The following ARHGEF17 variants were observed in gnomAD, a reference collection of about 807,000 sequenced individuals.
ARHGEF17 encodes Rho guanine nucleotide exchange factor 17.
Under a neutral mutation model 174.0 loss-of-function variants are expected in ARHGEF17, and 80 were observed. The observed-to-expected ratio is 0.46, with a 90% CI of 0.38 to 0.55. The LOEUF (loss-of-function observed/expected upper bound fraction) is 0.55, where lower values mean the gene tolerates loss of function less well. Among genes scored for constraint, ARHGEF17 ranks in the 20% least tolerant of loss-of-function variants. The probability of loss-of-function intolerance (pLI) is 0.00; values close to 1 mark genes in which losing one functional copy is unlikely to be tolerated. For missense variants in ARHGEF17, 2,886 were observed against 2,839.7 expected, an observed-to-expected ratio of 1.02 and a Z score of -0.37; for synonymous variants, 1,311 against 1,189.1, an observed-to-expected ratio of 1.10 and a Z score of -2.11.
At chr11:73,364,068 G>A in intron 16 of ARHGEF17, 104 bp from the exon 17 acceptor site, 1 of 1,238,428 alleles carries the variant, frequency 8.1e-7, no homozygotes, top group Non-Finnish European at 1.2e-6. Context: ...GGGAAGAGGT[G>A]GCCTCTCGGG....
intron 1 of ARHGEF17, among the ~76,000 whole-genome samples, chr11:73,341,944 T>C (rs1317662804): frequency 6.6e-6 from 1 of 152,152 alleles, no homozygotes; most frequent in African/African-American, 2.4e-5. Context: ...AGCCCCCCCA[T>C]CTTGCTGGGT....
chr11:73,362,399 T>C (rs1865758010), intron 13 of ARHGEF17, 34 bp from the exon 14 acceptor site: 1 of 1,505,330 alleles, frequency 6.6e-7, no homozygotes, highest in Non-Finnish European at 8.8e-7. Context: ...GTCTGGCTCG[T>C]AGCTGCTGTC....
Position 73,310,320 on chromosome 11 carries a change from C to A in ARHGEF17, c.1682C>A (p.Thr561Asn). The change falls in exon 1 of 21, where the codon ACC becomes AAC. Residue 561 changes from threonine (T) to asparagine (N), a missense_variant. Coordinates refer to ENST00000263674, the MANE Select transcript of ARHGEF17 (RefSeq NM_014786.4). Reference protein sequence around the residue: ...EKPMARRLPRTSALKSSSSEL... With the variant: ...EKPMARRLPRNSALKSSSSEL... ...CCCATGGCCCGCCGCCTGCCCCGCA[C>A]CAGTGCTCTGAAGTCCAGCTCCTCC... The A allele has an allele frequency of 1.2e-6, 2 of 1,613,834 alleles. No homozygotes were observed. Among genetic ancestry groups the A allele is most frequent in the Non-Finnish European group, 1.7e-6 (2 of 1,179,998 alleles).
intron 3 of ARHGEF17, among the ~76,000 whole-genome samples, chr11:73,354,892 C>T (rs930749342): frequency 6.6e-6 from 1 of 152,230 alleles, no homozygotes; most frequent in Non-Finnish European, 1.5e-5. Context: ...GTATTAGCCA[C>T]CAGCTGTATG....
At chr11:73,343,399 C>T (rs1342919738) in intron 1 of ARHGEF17, 4 of 388,770 alleles carry the variant, frequency 1.0e-5, no homozygotes, top group African/African-American at 2.1e-5. Flanking sequence ...CTCTCTGTGA[C>T]CGGGGATGGA....
intron 1 of ARHGEF17, among the ~76,000 whole-genome samples, chr11:73,317,458 C>A (rs1485224980): frequency 6.6e-6 from 1 of 152,170 alleles, no homozygotes; most frequent in Non-Finnish European, 1.5e-5. Flanking sequence ...TGTCCTGACT[C>A]CCAGACCGTA....
At position 73,333,616 on chromosome 11, in the gene ARHGEF17, C is replaced by G. The variant is rs1865243957; in HGVS notation, c.3193-13267C>G. On this transcript the variant is annotated intron_variant, in intron 1 of 20. Transcript: ENST00000263674. ...GGCTTCCCTCGGCTCTGGGTTATGC[C>G]AGAGTCCCCAGGGGCAGGGCTGGAG... 1.3e-5 allele frequency among the ~76,000 whole-genome samples: 2 copies of G among 152,202 alleles called. 1 individual carries two copies. Among genetic ancestry groups the G allele is most frequent in the Admixed American group, 1.3e-4 (2 of 15,276 alleles).
In ARHGEF17 at chr11:73,341,966, CA is replaced by C. The variant is rs1432506139; in HGVS notation, c.3193-4913del. Among the ~76,000 whole-genome samples the C allele has an allele frequency of 2.0e-5, 3 of 151,260 alleles. No homozygotes were observed. The East Asian group carries it at 5.9e-4, about 30-fold the overall frequency. Reference sequence around the variant, plus strand: ...CCATCTTGCTGGGTGGGAGCTGGTGCAAAAGCAGGTTGCTCGCCCCCACCCC... The same window carrying C: ...CCATCTTGCTGGGTGGGAGCTGGTGCAAAGCAGGTTGCTCGCCCCCACCCC... On this transcript the variant is annotated intron_variant, in intron 1 of 20. Transcript: ENST00000263674.
chr11:73,343,224 G>A, intron 1 of ARHGEF17: 1 of 398,366 alleles, frequency 2.5e-6, no homozygotes. Flanking sequence ...CGCCGCCTCC[G>A]GGGAGCCTGC....
In ARHGEF17 at chr11:73,311,612, A is replaced by C. The variant is rs1182408530; in HGVS notation, c.2974A>C (p.Thr992Pro). 6.2e-7 allele frequency: 1 copy of C among 1,612,798 alleles called. No individual in the cohort carries two copies. The highest frequency in any genetic ancestry group is 8.5e-7 in the Non-Finnish European group (1 of 1,179,780). The change falls in exon 1 of 21, where the codon ACC becomes CCC. Residue 992 changes from threonine to proline, a missense_variant. By Grantham distance (38) the Thr-to-Pro change is conservative. This residue lies in a region of ARHGEF17 where 1,728 missense variants were observed against 1,461.2 expected (regional missense o/e 1.18). Coordinates refer to ENST00000263674, the MANE Select transcript of ARHGEF17 (RefSeq NM_014786.4). ...VAVPEPIGFPTRAHPTLQAPS... is the reference protein window; with the variant it reads ...VAVPEPIGFPPRAHPTLQAPS... ...TGTGCCAGAACCCATAGGCTTCCCTACCCGAGCCCATCCCACGTTGCAGGC... is the reference window on the plus strand; with the variant it reads ...TGTGCCAGAACCCATAGGCTTCCCTCCCCGAGCCCATCCCACGTTGCAGGC...
chr11:73,342,199 A>G (rs1264015295), intron 1 of ARHGEF17, among the ~76,000 whole-genome samples: 1 of 129,442 alleles, frequency 7.7e-6, no homozygotes, highest in Non-Finnish European at 1.6e-5. Context: ...TAGGAGTGGG[A>G]GCACAGTCTA....
intron 1 of ARHGEF17, among the ~76,000 whole-genome samples, chr11:73,333,084 C>A (rs1376465476): frequency 1.3e-5 from 2 of 152,190 alleles, no homozygotes; most frequent in Non-Finnish European, 2.9e-5. Flanking sequence ...CCTTGCTTTA[C>A]CCACGGAAGA....
In ARHGEF17 at chr11:73,310,397, G is replaced by A. The variant is rs747752927; in HGVS notation, c.1759G>A (p.Val587Ile). 1.5e-5 allele frequency: 24 copies of A among 1,613,818 alleles called. No homozygotes were observed. Among genetic ancestry groups the A allele is most frequent in the East Asian group, 1.1e-4 (5 of 44,888 alleles). ...GAEEDPLPLI[V>I]QDQYVQEARQ... ...CGAGGAGGATCCGCTGCCCCTCATC[G>A]TCCAGGACCAATATGTGCAGGAGGC... The change falls in exon 1 of 21, where the codon GTC becomes ATC. Residue 587 changes from valine to isoleucine, a missense_variant. Coordinates refer to ENST00000263674, the MANE Select transcript of ARHGEF17 (RefSeq NM_014786.4).
Position 73,317,542 on chromosome 11 carries a change from A to G in ARHGEF17, c.3192+5712A>G, listed in dbSNP as rs554009089. ...TAGCAGGGTGGGGGAAGGGGGAGCC[A>G]ATGTTTCCCAGAAAGGCTTGAAGCC... is the stretch of plus-strand genomic sequence containing the variant. On this transcript the variant is annotated intron_variant, in intron 1 of 20. Transcript: ENST00000263674. Among the ~76,000 whole-genome samples, 11 of 152,294 alleles carry G rather than the reference A, an allele frequency of 7.2e-5. No individual in the cohort carries two copies. In the South Asian group the frequency reaches 2.1e-3, roughly 29 times the overall value.
intron 1 of ARHGEF17, among the ~76,000 whole-genome samples, chr11:73,313,772 G>A (rs1864882924): frequency 6.6e-6 from 1 of 152,206 alleles, no homozygotes. Context: ...TGATCCCTGT[G>A]TGGCCTAGGA....
Position 73,308,961 on chromosome 11 carries a change from C to T in ARHGEF17, c.323C>T (p.Pro108Leu). The T allele has an allele frequency of 1.5e-6, 2 of 1,363,020 alleles. No homozygotes were observed. The highest frequency in any genetic ancestry group is 1.9e-6 in the Non-Finnish European group (2 of 1,063,524). The allele number at this position is 1,363,020 out of a possible 1,614,324, so 84.4% of individuals were successfully genotyped here. A position where few individuals can be genotyped will look rare whatever the true frequency, so the allele number is the denominator to read the frequency against. ...GGGACCCGAGACGGAGGCGTCTTAC[C>T]CGCGGCCGCGGAAGAAGCGGCCGAG... is the stretch of plus-strand genomic sequence containing the variant. ...SAGTRDGGVL[P>L]AAAEEAAEGP... Residue 108 changes from proline (P) to leucine (L), a missense_variant, in exon 1 of 21, where the codon CCC becomes CTC. By Grantham distance (98) the Pro-to-Leu change is moderately conservative. Coordinates refer to ENST00000263674, the MANE Select transcript of ARHGEF17 (RefSeq NM_014786.4).
intron 16 of ARHGEF17, 138 bp from the exon 17 acceptor site, chr11:73,364,034 A>C (rs570396869): frequency 1.8e-6 from 2 of 1,081,532 alleles, no homozygotes; most frequent in African/African-American, 1.6e-5. Context: ...GCCTCAGGCA[A>C]CCCCCACCTG....
At chr11:73,367,007 AC>A (rs1423221809) in intron 20 of ARHGEF17, among the ~76,000 whole-genome samples, 1 of 152,058 alleles carries the variant, frequency 6.6e-6, no homozygotes, top group African/African-American at 2.4e-5. Context: ...GTGCCATTGC[AC>A]TCCAGCCCAG....
Position 73,362,611 on chromosome 11 carries a change from G to A in ARHGEF17, c.4873G>A (p.Glu1625Lys), listed in dbSNP as rs781117557. The change falls in exon 14 of 21, where the codon GAG becomes AAG. Residue 1625 changes from glutamate to lysine, a missense_variant. Transcript: ENST00000263674. ...SGLEMTPGLG[E>K]GDPRPELVPF... ...CTTGGAGATGACGCCGGGCCTCGGC[G>A]AGGGTGACCCCCGCCCAGAGCTGGT... 6.2e-7 allele frequency: 1 copy of A among 1,611,222 alleles called. No individual in the cohort carries two copies. The highest frequency in any genetic ancestry group is 1.1e-5 in the South Asian group (1 of 91,086).
Sources: allele counts gnomAD v4.1 joint callset (sites outside exome capture counted in the v4.1 genomes callset), GRCh38; gene constraint gnomAD v4.1.1; regional missense constraint gnomAD v4.1.1; transcripts MANE v1.5; gene names NCBI Gene and HGNC (gene_info 2026-07-23, HGNC 2026-07-21).